The following ETNPPL variants were observed in gnomAD, a reference collection of about 807,000 sequenced individuals.
ETNPPL encodes the protein alanine--glyoxylate aminotransferase 2-like 1.
Under a neutral mutation model 55.5 loss-of-function variants are expected in ETNPPL, and 30 were observed. The observed-to-expected ratio is 0.54, with a 90% CI of 0.40 to 0.73. The LOEUF is 0.73. Ranked by LOEUF, ETNPPL falls within the 30% of genes least tolerant of loss-of-function variation. The probability of loss-of-function intolerance (pLI) is 0.00; values close to 1 mark genes in which losing one functional copy is unlikely to be tolerated. For missense variants in ETNPPL, 528 were observed against 607.9 expected, an observed-to-expected ratio of 0.87 and a Z score of 1.38; for synonymous variants, 202 against 207.2, an observed-to-expected ratio of 0.98 and a Z score of 0.21.
At chr4:108,743,663 T>A (rs6533381) in intron 12 of ETNPPL, 126 bp downstream of exon 12, 1 of 705,318 alleles carries the variant, frequency 1.4e-6, no homozygotes, top group Non-Finnish European at 2.5e-6. Flanking sequence ...CAACAATAAG[T>A]GAACCTAATA....
rs763925756 is a variant in ETNPPL at position 108,756,435 on chromosome 4, A to G, written c.393T>C (p.Asp131=). 5 of 1,613,952 alleles carry G rather than the reference A, an allele frequency of 3.1e-6. No homozygotes were observed. Among genetic ancestry groups the G allele is most frequent in the Non-Finnish European group, 3.4e-6 (4 of 1,179,798 alleles). Residue 131 remains aspartate, a synonymous_variant, in exon 4 of 13, where the codon GAT becomes GAC. Coordinates refer to ENST00000296486, the MANE Select transcript of ETNPPL (RefSeq NM_031279.4). The stretch of plus-strand genomic sequence containing the variant: ...AGACTTACTGGTCAAGAGTGATCAC[A>G]TCCTGGTGGCCTCTGAACTGCCGAG... ...RLARQFRGHQ[D]VITLDHAYHG...
chr4:108,761,651 C>G (rs1219813686), intron 1 of ETNPPL, among the ~76,000 whole-genome samples: 3 of 152,156 alleles, frequency 2.0e-5, no homozygotes, highest in Non-Finnish European at 4.4e-5. Context: ...CTGCTCATGT[C>G]AGAAACCATT....
At chr4:108,747,097 G>C (rs1458333524) in intron 9 of ETNPPL, among the ~76,000 whole-genome samples, 1 of 126,728 alleles carries the variant, frequency 7.9e-6, no homozygotes, top group Non-Finnish European at 1.7e-5. Flanking sequence ...TAGTTTCTCA[G>C]GATGTTAATG....
chr4:108,760,043 G>A, intron 2 of ETNPPL, 135 bp from the exon 3 acceptor site: 1 of 1,142,206 alleles, frequency 8.8e-7, no homozygotes, highest in Non-Finnish European at 1.3e-6. Context: ...TCCATATTTT[G>A]CTGCGATTTT....
At chr4:108,757,805 T>G (rs1432148063) in intron 3 of ETNPPL, among the ~76,000 whole-genome samples, 2 of 151,392 alleles carry the variant, frequency 1.3e-5, no homozygotes, top group African/African-American at 2.4e-5. Context: ...CCAGGCATAG[T>G]GGGTTATGTA....
chr4:108,748,789 C>T (rs1004397647), intron 8 of ETNPPL, among the ~76,000 whole-genome samples: 1 of 151,962 alleles, frequency 6.6e-6, no homozygotes, highest in Non-Finnish European at 1.5e-5. Context: ...ATGAAAATAT[C>T]ATAACCTGTA....
At chr4:108,761,700 G>T (rs1163037047) in intron 1 of ETNPPL, among the ~76,000 whole-genome samples, 1 of 152,148 alleles carries the variant, frequency 6.6e-6, no homozygotes, top group Non-Finnish European at 1.5e-5. Flanking sequence ...GAAAACTAAC[G>T]CAGTGAGTGA....
In ETNPPL at chr4:108,762,746, A is replaced by G. The variant is rs547647101; in HGVS notation, c.56+97T>C. On this transcript the variant is annotated intron_variant, in intron 1 of 12. Transcript: ENST00000296486. Reference sequence around the variant, plus strand: ...CGCGGCGGGCACGGAGTGCGGCTGCAGCGCATCGTTTGTTCCCTAGCCGGC... The same window carrying G: ...CGCGGCGGGCACGGAGTGCGGCTGCGGCGCATCGTTTGTTCCCTAGCCGGC... The G allele has an allele frequency of 4.3e-6, 6 of 1,396,460 alleles. No individual in the cohort carries two copies. The African/African-American group carries it at 5.7e-5, about 13-fold the overall frequency. 86.5% of individuals were successfully genotyped at this position (1,396,460 alleles called of 1,614,324 possible).
At chr4:108,743,108 C>T (rs1415380015) in intron 12 of ETNPPL, among the ~76,000 whole-genome samples, 1 of 152,176 alleles carries the variant, frequency 6.6e-6, no homozygotes, top group African/African-American at 2.4e-5. Context: ...TTGCTGACTC[C>T]ATTGGATGCG....
intron 12 of ETNPPL, among the ~76,000 whole-genome samples, chr4:108,743,435 T>C (rs535022198): frequency 2.0e-5 from 3 of 152,268 alleles, no homozygotes; most frequent in East Asian, 3.9e-4. Flanking sequence ...GTAAAGTCAG[T>C]GTGTGAGAAT....
intron 3 of ETNPPL, among the ~76,000 whole-genome samples, chr4:108,757,139 A>G (rs1729246201): frequency 6.6e-6 from 1 of 152,186 alleles, no homozygotes. Context: ...CTGAGGGCCC[A>G]TTAGCTTGGC....
chr4:108,747,415 T>C (rs887633919), intron 9 of ETNPPL, among the ~76,000 whole-genome samples: 1 of 150,484 alleles, frequency 6.6e-6, no homozygotes, highest in Non-Finnish European at 1.5e-5. Flanking sequence ...TAAAAAAGTA[T>C]AAAAGCCAGG....
rs190410623 is a variant in ETNPPL, at chr4:108,748,707, C to T, written c.927+531G>A. On this transcript the variant is annotated intron_variant, in intron 8 of 12. Coordinates refer to ENST00000296486, the MANE Select transcript of ETNPPL (RefSeq NM_031279.4). ...AGTATCTCTTATGACAGCTGTATAACATTTATAGTACTGAGTCATAAAAAT... is the reference window on the plus strand; with the variant it reads ...AGTATCTCTTATGACAGCTGTATAATATTTATAGTACTGAGTCATAAAAAT... 1.4e-4 allele frequency among the ~76,000 whole-genome samples: 22 copies of T among 152,112 alleles called. No individual in the cohort carries two copies. In the East Asian group the frequency reaches 4.2e-3, roughly 29 times the overall value.
Position 108,749,318 on chromosome 4 carries a change from C to T in ETNPPL, c.847G>A (p.Gly283Ser), listed in dbSNP as rs1037825511. The T allele has an allele frequency of 3.1e-6, 5 of 1,614,030 alleles. No homozygotes were observed. Among genetic ancestry groups the T allele is most frequent in the Non-Finnish European group, 4.2e-6 (5 of 1,179,984 alleles). ...IVTMGKPMGN[G>S]HPVACVVTTK... ...GTTACCACACATGCCACCGGGTGGC[C>T]GTTGCCCATCGGTTTTCCCATTGTG... Residue 283 changes from glycine to serine, a missense_variant, in exon 8 of 13, where the codon GGC (glycine) becomes AGC (serine). Gly to Ser is a moderately conservative substitution (Grantham distance 56). Transcript: ENST00000296486.
chr4:108,745,718 G>A (rs1215346725), intron 11 of ETNPPL, among the ~76,000 whole-genome samples: 1 of 152,042 alleles, frequency 6.6e-6, no homozygotes, highest in Non-Finnish European at 1.5e-5. Flanking sequence ...ATCACCTGAG[G>A]TCAGGAATTC....
In ETNPPL at chr4:108,742,313, C is replaced by G; in HGVS notation, c.*171G>C. 1 of 568,400 alleles carries G rather than the reference C, an allele frequency of 1.8e-6. No homozygotes were observed. The highest frequency in any genetic ancestry group is 3.0e-6 in the Non-Finnish European group (1 of 330,714). 35.2% of individuals were successfully genotyped at this position (568,400 alleles called of 1,614,324 possible). On this transcript the variant is annotated 3_prime_UTR_variant, in exon 13 of 13. Coordinates refer to ENST00000296486, the MANE Select transcript of ETNPPL (RefSeq NM_031279.4). ...CTAGAGTCTGAACTAATAATCTTGA[C>G]ATGGTTTGATTATCACTTGGTTTAT...
At position 108,749,268 on chromosome 4, in the gene ETNPPL, G is replaced by T; in HGVS notation, c.897C>A (p.Phe299Leu). ...VVTTKEIAEA[F>L]SSSGMEYFNT... ...TAAAATATTCCATCCCAGAGCTGCT[G>T]AAGGCTTCTGCAATTTCTTTGGTTG... The change falls in exon 8 of 13, where the codon TTC becomes TTA. Residue 299 changes from phenylalanine (F) to leucine (L), a missense_variant. Physicochemically the swap from Phe to Leu is conservative, Grantham distance 22. Transcript: ENST00000296486. 6.2e-7 allele frequency: 1 copy of T among 1,613,972 alleles called. No individual in the cohort carries two copies.
At chr4:108,747,194 TTATATATATATATAA>T (rs1560650610) in intron 9 of ETNPPL, among the ~76,000 whole-genome samples, 6 of 10,718 alleles carry the variant, frequency 5.6e-4, no homozygotes, top group African/African-American at 7.8e-4. Flanking sequence ...TATATATATA[TTATATATATATATAA>T]TATATATATA....
At chr4:108,762,761 C>T in intron 1 of ETNPPL, 82 bp downstream of exon 1, 3 of 1,502,572 alleles carry the variant, frequency 2.0e-6, no homozygotes, top group Admixed American at 3.3e-5. Context: ...ATCGTTTGTT[C>T]CCTAGCCGGC....
Sources: allele counts gnomAD v4.1 joint callset (sites outside exome capture counted in the v4.1 genomes callset), GRCh38; gene constraint gnomAD v4.1.1; transcripts MANE v1.5; gene names NCBI Gene and HGNC (gene_info 2026-07-23, HGNC 2026-07-21).